Variants in MX2 observed in about 807,000 individuals in gnomAD.
MX2 encodes the protein MX dynamin like GTPase 2.
A neutral mutation model predicts 74.0 loss-of-function variants in MX2; 51 were observed. That is an observed-to-expected ratio of 0.69 (90% CI 0.55 to 0.87). MX2 has a LOEUF of 0.87. Ranked by LOEUF, MX2 falls within the 40% of genes least tolerant of loss-of-function variation. MX2 has a pLI of 0.00. For missense variants in MX2, 832 were observed against 908.7 expected (o/e 0.92, Z 1.09); for synonymous variants, 369 against 339.3 (o/e 1.09, Z -0.96).
chr21:41,381,067 T>G (rs753802847), intron 4 of MX2, among the ~76,000 whole-genome samples: 16 of 152,236 alleles, frequency 1.1e-4, no homozygotes, highest in Non-Finnish European at 2.2e-4. Context: ...ACAGAACCCC[T>G]GTCTGCCTGG....
In MX2 at chr21:41,380,852, C is replaced by T. The variant is rs1251052242; in HGVS notation, c.577+701C>T. Reference sequence around the variant, plus strand: ...GCCTGCCCCAGGCACTGGAGCCTCTCAACCTCCCTAAAGGCTTCTCCCCTA... The same window carrying T: ...GCCTGCCCCAGGCACTGGAGCCTCTTAACCTCCCTAAAGGCTTCTCCCCTA... On this transcript the variant is annotated intron_variant, in intron 4 of 13. Coordinates refer to ENST00000330714, the MANE Select transcript of MX2 (RefSeq NM_002463.2). This position sits in a 1 kb window ranked among gnomAD's most constrained non-coding sequence, Gnocchi z 4.3. 6.6e-6 allele frequency among the ~76,000 whole-genome samples: 1 copy of T among 152,226 alleles called. No individual in the cohort carries two copies. The highest frequency in any genetic ancestry group is 1.5e-5 in the Non-Finnish European group (1 of 68,040).
rs779670834 is a variant in MX2, at chr21:41,390,674, A to T, written c.842A>T (p.Glu281Val). 1.9e-6 allele frequency: 3 copies of T among 1,614,144 alleles called. No homozygotes were observed. In the South Asian group the frequency reaches 3.3e-5, roughly 18 times the overall value. Reference sequence around the variant, plus strand: ...ACGGAGGCGCTGAGCATGGCCCATGAGGTGGACCCGGAAGGGGACAGGACC... The same window carrying T: ...ACGGAGGCGCTGAGCATGGCCCATGTGGTGGACCCGGAAGGGGACAGGACC... ...ATTEALSMAH[E>V]VDPEGDRTIG... Residue 281 changes from glutamate (E) to valine (V), a missense_variant, in exon 6 of 14, where the codon GAG (glutamate) becomes GTG (valine). By Grantham distance (121) the Glu-to-Val change is moderately radical. Transcript: ENST00000330714.
chr21:41,393,801 C>T (rs755901878), intron 6 of MX2, among the ~76,000 whole-genome samples: 17 of 152,162 alleles, frequency 1.1e-4, no homozygotes, highest in South Asian at 2.1e-4. Flanking sequence ...TCCAGTTAAA[C>T]GTGACCAGAA....
chr21:41,393,653 T>G (rs2089694275), intron 6 of MX2, among the ~76,000 whole-genome samples: 1 of 152,154 alleles, frequency 6.6e-6, no homozygotes, highest in African/African-American at 2.4e-5. Flanking sequence ...TCTCCTTCTA[T>G]CAACGCATCA....
chr21:41,362,564 C>T (rs57016373), intron 1 of MX2, among the ~76,000 whole-genome samples: 2 of 151,782 alleles, frequency 1.3e-5, no homozygotes, highest in East Asian at 1.9e-4. Context: ...TAGCCTTTGC[C>T]GATTCTCTTC....
chr21:41,390,449 A>G (rs1184560049), intron 5 of MX2, 116 bp from the exon 6 acceptor site: 3 of 1,451,400 alleles, frequency 2.1e-6, no homozygotes, highest in African/African-American at 2.8e-5. Flanking sequence ...CAAAGCCCAG[A>G]GTCACACTGT....
intron 7 of MX2, among the ~76,000 whole-genome samples, chr21:41,396,468 A>G (rs1219768241): frequency 2.3e-5 from 2 of 86,108 alleles, no homozygotes; most frequent in African/African-American, 5.1e-5. Context: ...TCCTGCTTGA[A>G]GGAGAGCTAA....
intron 12 of MX2, chr21:41,404,500 T>C (rs1230623204): frequency 6.6e-6 from 1 of 152,216 alleles, no homozygotes. Context: ...GTTCCAGTGC[T>C]ATCTGTGACC....
chr21:41,385,801 C>G (rs550735542), intron 5 of MX2, among the ~76,000 whole-genome samples: 16 of 152,118 alleles, frequency 1.1e-4, no homozygotes, highest in African/African-American at 3.9e-4. Flanking sequence ...CTCCATAGCA[C>G]CCCAAAACAA....
At chr21:41,405,168 G>C (rs1024449273) in intron 12 of MX2, among the ~76,000 whole-genome samples, 7 of 151,470 alleles carry the variant, frequency 4.6e-5, no homozygotes, top group African/African-American at 1.7e-4. Flanking sequence ...AAATTAGCCA[G>C]AAATCACTTG....
At position 41,390,540 on chromosome 21, in the gene MX2, T is replaced by C. The variant is rs774921398; in HGVS notation, c.733-25T>C. Reference sequence around the variant, plus strand: ...GACCAGAAGTGAGACGTGTGCTCTTTCTTTGTGCGATTCTTTGGCATCAGA... The same window carrying C: ...GACCAGAAGTGAGACGTGTGCTCTTCCTTTGTGCGATTCTTTGGCATCAGA... On this transcript the variant is annotated intron_variant, in intron 5 of 13. Transcript: ENST00000330714. 4.3e-6 allele frequency: 7 copies of C among 1,613,796 alleles called. No individual in the cohort carries two copies. In the Admixed American group the frequency reaches 1.0e-4, roughly 23 times the overall value.
chr21:41,386,248 A>C (rs868709372), intron 5 of MX2, among the ~76,000 whole-genome samples: 3 of 147,172 alleles, frequency 2.0e-5, no homozygotes, highest in Middle Eastern at 3.4e-3. Context: ...AAAAAAAAAA[A>C]ACAAATCTGC....
At chr21:41,373,378 C>T (rs1460947143) in intron 1 of MX2, among the ~76,000 whole-genome samples, 1 of 152,162 alleles carries the variant, frequency 6.6e-6, no homozygotes, top group Non-Finnish European at 1.5e-5. Flanking sequence ...TTTGGGTGAG[C>T]CACACCCTCT....
intron 6 of MX2, among the ~76,000 whole-genome samples, chr21:41,394,933 AAAG>A (rs1286654493): frequency 2.0e-4 from 30 of 147,612 alleles, no homozygotes; most frequent in African/African-American, 7.0e-4. Context: ...CCATCTCAAA[AAAG>A]AAAGAGAGAG....
intron 5 of MX2, among the ~76,000 whole-genome samples, chr21:41,384,864 A>T (rs1342435136): frequency 6.6e-6 from 1 of 152,112 alleles, no homozygotes; most frequent in African/African-American, 2.4e-5. Context: ...GAATTAAAAA[A>T]CTAATTAGGA....
intron 5 of MX2, among the ~76,000 whole-genome samples, chr21:41,383,994 G>A (rs1354880955): frequency 6.6e-6 from 1 of 152,124 alleles, no homozygotes; most frequent in East Asian, 1.9e-4. Flanking sequence ...GGACCAGGTG[G>A]GAGGTGATAG....
chr21:41,364,369 C>G (rs2089244312), intron 1 of MX2: 1 of 152,362 alleles, frequency 6.6e-6, no homozygotes, highest in East Asian at 1.9e-4. Flanking sequence ...GAAATCAATA[C>G]AGTGACCAGG....
chr21:41,408,662 G>A lies in MX2; in HGVS notation c.*429G>A, dbSNP rs1046664107. 4.8e-5 allele frequency: 8 copies of A among 167,788 alleles called. No individual in the cohort carries two copies. Among genetic ancestry groups the A allele is most frequent in the East Asian group, 1.7e-4 (1 of 5,896 alleles). The allele number at this position is 167,788 out of a possible 1,614,324, so 10.4% of individuals were successfully genotyped here. Reference sequence around the variant, plus strand: ...CTTAATAAATGACATCTCACTGAACGAATGAGTGCTGTGTAAGTGATGGAG... The same window carrying A: ...CTTAATAAATGACATCTCACTGAACAAATGAGTGCTGTGTAAGTGATGGAG... On this transcript the variant is annotated 3_prime_UTR_variant, in exon 14 of 14. Coordinates refer to ENST00000330714, the MANE Select transcript of MX2 (RefSeq NM_002463.2).
chr21:41,377,381 C>T (rs956365709), intron 2 of MX2, among the ~76,000 whole-genome samples: 2 of 152,194 alleles, frequency 1.3e-5, no homozygotes, highest in Admixed American at 1.3e-4. Context: ...GTGCGGGGGT[C>T]CCCTTCCTGG....
Sources: gnomAD v4.1 joint callset for allele counts (sites outside exome capture counted in the v4.1 genomes callset) on GRCh38, gnomAD v4.1.1 for gene constraint, Gnocchi (gnomAD v3.1) non-coding constraint, MANE v1.5 for transcripts, NCBI Gene and HGNC (gene_info 2026-07-23, HGNC 2026-07-21) for gene names.